TP53I13: variants seen among roughly 807,000 people sequenced by gnomAD.
TP53I13 encodes tumor protein p53 inducible protein 13.
A neutral mutation model predicts 39.1 loss-of-function variants in TP53I13; 27 were observed. The ratio of observed to expected loss-of-function variants is 0.69; its 90% CI spans 0.51 to 0.95. The LOEUF (loss-of-function observed/expected upper bound fraction) is 0.95. Ranked by LOEUF, TP53I13 falls within the 40% of genes least tolerant of loss-of-function variation. The pLI is 0.00. For synonymous variants in TP53I13, 230 were observed against 224.6 expected (o/e 1.02, Z -0.22); for missense variants, 544 against 520.4 (o/e 1.05, Z -0.44).
the TP53I13 span, chr17:29,578,756 T>G: frequency 3.1e-6 from 5 of 1,614,080 alleles, no homozygotes; most frequent in Non-Finnish European, 4.2e-6. Flanking sequence ...CTTAGCAGCT[T>G]TGGCCAATTC....
downstream of TP53I13, chr17:29,577,296 G>T (rs1395972415): frequency 6.9e-7 from 1 of 1,445,770 alleles, no homozygotes; most frequent in East Asian, 2.3e-5. Context: ...CCTTATGACT[G>T]ACGCAGGACG....
downstream of TP53I13, chr17:29,576,904 G>C (rs767530609): frequency 1.9e-6 from 3 of 1,578,732 alleles, no homozygotes; most frequent in South Asian, 3.4e-5. Flanking sequence ...CTGCGCAGGG[G>C]CTCCTGGTCT....
chr17:29,566,649 C>T, upstream of TP53I13: 1 of 1,604,856 alleles, frequency 6.2e-7, no homozygotes. Flanking sequence ...AGAGGGTCTG[C>T]AGGTGGGGCC....
At chr17:29,575,010 G>T (rs747635850), downstream of TP53I13, 294 of 1,479,572 alleles carry the variant, frequency 2.0e-4, 2 homozygotes, top group Non-Finnish European at 7.1e-5. The surrounding 1 kb of genome is among the most constrained non-coding windows in gnomAD (Gnocchi z 5.5). Context: ...GTAGCGATCA[G>T]ATGGGATTCT....
chr17:29,572,952 C>T lies in TP53I13; in HGVS notation c.*28C>T, dbSNP rs1214484396. 11 of 1,384,068 alleles carry T rather than the reference C, an allele frequency of 7.9e-6. No individual in the cohort carries two copies. Among genetic ancestry groups the T allele is most frequent in the Admixed American group, 3.4e-5 (1 of 29,332 alleles). 85.7% of individuals were successfully genotyped at this position (1,384,068 alleles called of 1,614,324 possible). A position where few individuals can be genotyped will look rare whatever the true frequency, so the allele number is the denominator to read the frequency against. On this transcript the variant is annotated 3_prime_UTR_variant, in exon 7 of 7. Coordinates refer to ENST00000301057, the MANE Select transcript of TP53I13 (RefSeq NM_138349.4). Reference sequence around the variant, plus strand: ...GCCTGGGACCTGCCACTGTGGCGTGCGGCTCCTCCCCGCGCCGCGAGGCCG... The same window carrying T: ...GCCTGGGACCTGCCACTGTGGCGTGTGGCTCCTCCCCGCGCCGCGAGGCCG...
chr17:29,567,035 C>A (rs2032734778), upstream of TP53I13: 1 of 1,199,494 alleles, frequency 8.3e-7, no homozygotes, highest in African/African-American at 1.6e-5. This position sits in a 1 kb window ranked among gnomAD's most constrained non-coding sequence, Gnocchi z 6.6. Flanking sequence ...CCGCGCTTTG[C>A]CCGCGGCTCC....
At chr17:29,573,251 C>G (rs1173577656), downstream of TP53I13, 1 of 264,830 alleles carries the variant, frequency 3.8e-6, no homozygotes, top group East Asian at 7.0e-5. Context: ...AGCCCGCCCC[C>G]GCTGGCCAAC....
chr17:29,581,635 C>T, the TP53I13 span: 1 of 856,134 alleles, frequency 1.2e-6, no homozygotes, highest in Non-Finnish European at 1.9e-6. The surrounding 1 kb of genome is among the most constrained non-coding windows in gnomAD (Gnocchi z 4.8). Flanking sequence ...AACATTGCTC[C>T]CCAGCCGCTC....
At chr17:29,581,845 AG>A in the TP53I13 span, 2 of 1,611,116 alleles carry the variant, frequency 1.2e-6, no homozygotes, top group Non-Finnish European at 1.7e-6. This position sits in a 1 kb window ranked among gnomAD's most constrained non-coding sequence, Gnocchi z 4.8. Context: ...GCCTGTGAGG[AG>A]GGGGTATGGC....
In TP53I13 at chr17:29,569,307, C is replaced by T. The variant is rs766446358; in HGVS notation, c.142-11C>T. The T allele has an allele frequency of 4.3e-6, 7 of 1,613,778 alleles. No homozygotes were observed. In the East Asian group the frequency reaches 1.3e-4, roughly 31 times the overall value. On this transcript the variant is annotated splice_polypyrimidine_tract_variant and intron_variant, in intron 2 of 6. Coordinates refer to ENST00000301057, the MANE Select transcript of TP53I13 (RefSeq NM_138349.4). ...CAACTGCCCTAAGCTCTGTTCTTTCCCCATGTATAGGTGTCACCAAGAGTG... is the reference window on the plus strand; with the variant it reads ...CAACTGCCCTAAGCTCTGTTCTTTCTCCATGTATAGGTGTCACCAAGAGTG...
Position 29,572,477 on chromosome 17 carries a change from T to C in TP53I13, c.849T>C (p.Cys283=), listed in dbSNP as rs2032984385. The change falls in exon 6 of 7, where the codon TGT becomes TGC. Residue 283 remains cysteine (C), a synonymous_variant. Coordinates refer to ENST00000301057, the MANE Select transcript of TP53I13 (RefSeq NM_138349.4). ...AAGGCAGCCCAGGGGGCTGTGTCTG[T>C]TCAAGTCAGGCTTCCCCGGCCCCTC... ...NGQGSPGGCV[C]SSQASPAPRA... is the part of the protein sequence containing the mutation. The C allele has an allele frequency of 6.3e-7, 1 of 1,595,844 alleles. No homozygotes were observed. Among genetic ancestry groups the C allele is most frequent in the South Asian group, 1.1e-5 (1 of 88,634 alleles).
chr17:29,577,557 G>T, downstream of TP53I13: 2 of 876,540 alleles, frequency 2.3e-6, no homozygotes, highest in Non-Finnish European at 1.9e-6. Context: ...ATGCTGGAGA[G>T]CTGGCTCAGG....
chr17:29,578,361 C>A, the TP53I13 span: 1 of 1,614,130 alleles, frequency 6.2e-7, no homozygotes, highest in Non-Finnish European at 8.5e-7. Context: ...CTCAAAAAGC[C>A]GGTTGCTGAG....
chr17:29,582,274 G>A, the TP53I13 span: 2 of 669,808 alleles, frequency 3.0e-6, no homozygotes, highest in African/African-American at 1.8e-5. Context: ...AGACTATGTC[G>A]GGAGGACAGA....
chr17:29,581,404 G>T, the TP53I13 span: 1 of 1,599,466 alleles, frequency 6.3e-7, no homozygotes, highest in South Asian at 1.1e-5. This position sits in a 1 kb window ranked among gnomAD's most constrained non-coding sequence, Gnocchi z 4.8. Context: ...AAAATGCCAA[G>T]TCACTCACTA....
chr17:29,582,170 A>G, the TP53I13 span: 2 of 1,502,282 alleles, frequency 1.3e-6, no homozygotes, highest in Admixed American at 3.9e-5. Context: ...TGTGCAGTGA[A>G]TACGCATGTG....
chr17:29,581,348 T>G, the TP53I13 span: 1 of 1,612,414 alleles, frequency 6.2e-7, no homozygotes, highest in East Asian at 2.2e-5. This position sits in a 1 kb window ranked among gnomAD's most constrained non-coding sequence, Gnocchi z 4.8. Flanking sequence ...CTGTCAGCCA[T>G]CTGTGGGATG....
Position 29,569,548 on chromosome 17 carries a change from G to A in TP53I13, c.183+189G>A, listed in dbSNP as rs2032847548. The A allele has an allele frequency of 5.3e-6, 3 of 566,278 alleles. No individual in the cohort carries two copies. The South Asian group carries it at 7.1e-5, about 13-fold the overall frequency. The allele number at this position is 566,278 out of a possible 1,614,324, so 35.1% of individuals were successfully genotyped here. ...TCAGCCCCAGGACAGATGGCTCAAA[G>A]ACAGTGAGCCATAGGCCTGTCATCT... is the stretch of plus-strand genomic sequence containing the variant. On this transcript the variant is annotated intron_variant, in intron 3 of 6. Coordinates refer to ENST00000301057, the MANE Select transcript of TP53I13 (RefSeq NM_138349.4).
At chr17:29,581,579 T>C in the TP53I13 span, 2 of 695,522 alleles carry the variant, frequency 2.9e-6, no homozygotes, top group Non-Finnish European at 5.1e-6. This position sits in a 1 kb window ranked among gnomAD's most constrained non-coding sequence, Gnocchi z 4.8. Flanking sequence ...CCAGCGATGC[T>C]ATGGCCCAGA....
Sources: gnomAD v4.1 joint callset for allele counts on GRCh38, gnomAD v4.1.1 for gene constraint, Gnocchi (gnomAD v3.1) non-coding constraint, MANE v1.5 for transcripts, NCBI Gene and HGNC (gene_info 2026-07-23, HGNC 2026-07-21) for gene names.